The following KAT6B variants were observed in gnomAD, a reference collection of about 807,000 sequenced individuals.
The protein encoded by KAT6B is histone acetyltransferase KAT6B.
A neutral mutation model predicts 187.5 loss-of-function variants in KAT6B; 10 were observed. The ratio of observed to expected loss-of-function variants is 0.05; its 90% CI spans 0.03 to 0.09. The LOEUF is 0.09. Among genes scored for constraint, KAT6B ranks in the 10% least tolerant of loss-of-function variants. The probability of loss-of-function intolerance (pLI) is 1.00; values close to 1 mark genes in which losing one functional copy is unlikely to be tolerated. For missense variants in KAT6B, 1,952 were observed against 2,558.9 expected, an observed-to-expected ratio of 0.76 and a Z score of 5.12; for synonymous variants, 861 against 926.8, an observed-to-expected ratio of 0.93 and a Z score of 1.29.
At chr10:74,895,494 G>C (rs1399058506) in intron 3 of KAT6B, among the ~76,000 whole-genome samples, 4 of 152,076 alleles carry the variant, frequency 2.6e-5, no homozygotes, top group South Asian at 2.1e-4. Context: ...GGCATAAAAA[G>C]CTTGAATTAA....
At chr10:74,955,371 G>A (rs549411862) in intron 3 of KAT6B, among the ~76,000 whole-genome samples, 6 of 137,344 alleles carry the variant, frequency 4.4e-5, no homozygotes, top group African/African-American at 1.3e-4. Context: ...AGAGTAAAGG[G>A]ACACAATTTT....
intron 3 of KAT6B, among the ~76,000 whole-genome samples, chr10:74,931,456 T>C (rs1263417182): frequency 6.6e-6 from 1 of 152,214 alleles, no homozygotes; most frequent in Non-Finnish European, 1.5e-5. Context: ...TTTACCCTTC[T>C]ATTGATGATT....
intron 3 of KAT6B, among the ~76,000 whole-genome samples, chr10:74,849,722 CA>C (rs1440172643): frequency 5.3e-5 from 8 of 152,152 alleles, no homozygotes; most frequent in Admixed American, 1.3e-4. Context: ...GGCACTATTC[CA>C]AGTGCTTTAC....
intron 3 of KAT6B, among the ~76,000 whole-genome samples, chr10:74,935,892 T>A (rs1003281602): frequency 2.0e-5 from 3 of 152,070 alleles, no homozygotes; most frequent in African/African-American, 7.2e-5. Flanking sequence ...TAGAAAATAA[T>A]TTTTTTTAAA....
chr10:74,850,797 G>A (rs1023832660), intron 3 of KAT6B, among the ~76,000 whole-genome samples: 6 of 152,172 alleles, frequency 3.9e-5, no homozygotes, highest in African/African-American at 1.4e-4. Flanking sequence ...TTGAACATTT[G>A]AGCTTTAGCA....
At chr10:74,948,125 G>C (rs774322130) in intron 3 of KAT6B, among the ~76,000 whole-genome samples, 1 of 152,204 alleles carries the variant, frequency 6.6e-6, no homozygotes, top group Non-Finnish European at 1.5e-5. Flanking sequence ...GAAAGGGTCA[G>C]AGGTAGTCTG....
intron 17 of KAT6B, among the ~76,000 whole-genome samples, chr10:75,027,068 G>A (rs544805051): frequency 6.6e-6 from 1 of 152,262 alleles, no homozygotes; most frequent in African/African-American, 2.4e-5. Flanking sequence ...GAACCTGGGA[G>A]ACAGAGGTTG....
At chr10:74,965,149 A>G (rs1402403913) in intron 4 of KAT6B, among the ~76,000 whole-genome samples, 1 of 152,148 alleles carries the variant, frequency 6.6e-6, no homozygotes, top group Non-Finnish European at 1.5e-5. Flanking sequence ...CCCATCTTAC[A>G]TCACTATTCT....
chr10:74,949,544 G>A (rs1480760894), intron 3 of KAT6B, among the ~76,000 whole-genome samples: 11 of 152,194 alleles, frequency 7.2e-5, no homozygotes, highest in African/African-American at 2.7e-4. Context: ...TCCTTAATCA[G>A]CACTTTTATA....
chr10:74,950,016 C>T (rs867015535), intron 3 of KAT6B, among the ~76,000 whole-genome samples: 3 of 152,024 alleles, frequency 2.0e-5, no homozygotes, highest in African/African-American at 7.3e-5. Flanking sequence ...ATCCACAGAG[C>T]TCGGGGGGAT....
chr10:74,889,516 C>T (rs1489109981), intron 3 of KAT6B, among the ~76,000 whole-genome samples: 6 of 152,096 alleles, frequency 3.9e-5, no homozygotes, highest in African/African-American at 1.2e-4. Flanking sequence ...CTCATGGGGA[C>T]CTTTGCATCT....
At chr10:74,907,323 C>A (rs1052279419) in intron 3 of KAT6B, among the ~76,000 whole-genome samples, 2 of 152,130 alleles carry the variant, frequency 1.3e-5, no homozygotes, top group African/African-American at 4.8e-5. Context: ...GTACAGAAAT[C>A]TCTTGAGAGG....
chr10:74,863,556 G>C (rs571236164), intron 3 of KAT6B, among the ~76,000 whole-genome samples: 36 of 152,292 alleles, frequency 2.4e-4, no homozygotes, highest in African/African-American at 8.7e-4. Flanking sequence ...CAAAAAGATA[G>C]TACCAATTTA....
rs12265255 is a variant in KAT6B at position 75,002,292 on chromosome 10, A to G, written c.2629+13180A>G. On this transcript the variant is annotated intron_variant, in intron 13 of 17. Coordinates refer to ENST00000287239, the MANE Select transcript of KAT6B (RefSeq NM_012330.4). ...CAGGCCCCACAAACAAGCCTCAGAA[A>G]TGTGTTTGGAGGGACCATGACAGCA... Among the ~76,000 whole-genome samples, 682 of 151,546 alleles carry G rather than the reference A, an allele frequency of 4.5e-3. 7 individuals carry two copies. Among genetic ancestry groups the G allele is most frequent in the African/African-American group, 0.015 (618 of 41,222 alleles).
Position 74,842,748 on chromosome 10 carries a change from T to A in KAT6B, c.-110T>A. On this transcript the variant is annotated 5_prime_UTR_variant, in exon 3 of 18. Coordinates refer to ENST00000287239, the MANE Select transcript of KAT6B (RefSeq NM_012330.4). The stretch of plus-strand genomic sequence containing the variant: ...AGATGTTGCTTAATACAGTCTGGAA[T>A]ACTCTGTCCATTTGTTGAATTGTAA... 1 of 1,190,564 alleles carries A rather than the reference T, an allele frequency of 8.4e-7. No homozygotes were observed. The highest frequency in any genetic ancestry group is 1.2e-6 in the Non-Finnish European group (1 of 805,310). 73.8% of individuals were successfully genotyped at this position (1,190,564 alleles called of 1,614,324 possible). A position where few individuals can be genotyped will look rare whatever the true frequency, so the allele number is the denominator to read the frequency against.
intron 3 of KAT6B, among the ~76,000 whole-genome samples, chr10:74,955,394 C>T (rs903283449): frequency 6.8e-6 from 1 of 148,108 alleles, no homozygotes; most frequent in Admixed American, 6.7e-5. Context: ...CCCCCCCCCC[C>T]CAACTTTTTG....
intron 1 of KAT6B, among the ~76,000 whole-genome samples, chr10:74,836,470 C>A (rs1405300982): frequency 1.3e-5 from 2 of 152,198 alleles, no homozygotes; most frequent in Non-Finnish European, 2.9e-5. Flanking sequence ...TAGTACCTAC[C>A]ACAGGGCTGC....
chr10:74,830,752 A>ATATATATATATATATATG (rs1840728396), intron 1 of KAT6B, among the ~76,000 whole-genome samples: 1 of 22,548 alleles, frequency 4.4e-5, no homozygotes, highest in African/African-American at 3.3e-4. Flanking sequence ...ATATATATAT[A>ATATATATATATATATATG]TATATATATA....
chr10:74,927,375 A>C (rs940698035), intron 3 of KAT6B, among the ~76,000 whole-genome samples: 1 of 151,664 alleles, frequency 6.6e-6, no homozygotes, highest in Non-Finnish European at 1.5e-5. Flanking sequence ...CTGAATGATC[A>C]GGAGATCTGA....
Sources: gnomAD v4.1 joint callset for allele counts (sites outside exome capture counted in the v4.1 genomes callset) on GRCh38, gnomAD v4.1.1 for gene constraint, MANE v1.5 for transcripts, NCBI Gene and HGNC (gene_info 2026-07-23, HGNC 2026-07-21) for gene names.